Variants in MIPOL1 observed in about 807,000 individuals in gnomAD.
MIPOL1 encodes mirror-image polydactyly 1, also known as mirror-image polydactyly gene 1 protein.
A neutral mutation model predicts 60.9 loss-of-function variants in MIPOL1; 57 were observed. The observed-to-expected ratio is 0.94, with a 90% CI of 0.76 to 1.17. The LOEUF is 1.17. MIPOL1 is among the 50% of genes most tolerant of loss of function. The pLI, the probability that MIPOL1 is intolerant of heterozygous loss-of-function variation, is 0.00. For synonymous variants in MIPOL1, 179 were observed against 168.8 expected (o/e 1.06, Z -0.47); for missense variants, 551 against 511.6 (o/e 1.08, Z -0.74).
chr14:37,523,617 G>C (rs1383703980), intron 12 of MIPOL1: 3 of 382,714 alleles, frequency 7.8e-6, no homozygotes, highest in Non-Finnish European at 9.4e-6. Flanking sequence ...GTTAGATGTT[G>C]ATCAATTGTA....
At chr14:37,296,187 C>A (rs2085656287) in intron 7 of MIPOL1, among the ~76,000 whole-genome samples, 1 of 152,188 alleles carries the variant, frequency 6.6e-6, no homozygotes, top group Non-Finnish European at 1.5e-5. Flanking sequence ...AACTGAACAA[C>A]CTGCTCCTGA....
intron 9 of MIPOL1, among the ~76,000 whole-genome samples, chr14:37,348,196 A>G (rs543381970): frequency 2.0e-5 from 3 of 152,328 alleles, no homozygotes; most frequent in East Asian, 1.9e-4. Context: ...ATTAATTTGC[A>G]TAGGATAATA....
intron 11 of MIPOL1, among the ~76,000 whole-genome samples, chr14:37,430,416 A>G (rs2094040165): frequency 6.6e-6 from 1 of 151,990 alleles, no homozygotes; most frequent in Non-Finnish European, 1.5e-5. Flanking sequence ...AAATTTAAAA[A>G]TTTACAGCTG....
intron 1 of MIPOL1, among the ~76,000 whole-genome samples, chr14:37,225,349 C>T (rs1969524589): frequency 6.6e-6 from 1 of 152,180 alleles, no homozygotes; most frequent in South Asian, 2.1e-4. Context: ...CATGAGGGCC[C>T]CACCCTGCCG....
intron 9 of MIPOL1, among the ~76,000 whole-genome samples, chr14:37,368,240 G>T (rs117955127): frequency 0.02 from 3,075 of 152,072 alleles, 45 homozygotes; most frequent in Non-Finnish European, 0.03. Flanking sequence ...TTTTATAATT[G>T]TATTATATAT....
intron 10 of MIPOL1, among the ~76,000 whole-genome samples, chr14:37,417,310 T>C (rs2093787639): frequency 6.6e-6 from 1 of 152,162 alleles, no homozygotes; most frequent in Non-Finnish European, 1.5e-5. Context: ...TTTTCTTCTC[T>C]CTCTCATCAT....
intron 9 of MIPOL1, among the ~76,000 whole-genome samples, chr14:37,367,016 A>T (rs2092493352): frequency 6.6e-6 from 1 of 151,998 alleles, no homozygotes; most frequent in South Asian, 2.1e-4. Flanking sequence ...AACAATTAAA[A>T]ATATAAACAT....
At position 37,547,790 on chromosome 14, in the gene MIPOL1, A is replaced by G. The variant is rs2095551942; in HGVS notation, c.*819A>G. On this transcript the variant is annotated 3_prime_UTR_variant, in exon 13 of 13. Coordinates refer to ENST00000684589, the MANE Select transcript of MIPOL1 (RefSeq NM_001388067.1). Reference sequence around the variant, plus strand: ...TGTCTTAAAAGAGACCATCAAACCTATTAAGTATTCTTATTGTTTATCTTT... The same window carrying G: ...TGTCTTAAAAGAGACCATCAAACCTGTTAAGTATTCTTATTGTTTATCTTT... 6.6e-6 allele frequency: 1 copy of G among 152,310 alleles called. No individual in the cohort carries two copies. Among genetic ancestry groups the G allele is most frequent in the Middle Eastern group, 3.4e-3 (1 of 294 alleles). The allele number at this position is 152,310 out of a possible 1,614,324, so 9.4% of individuals were successfully genotyped here.
intron 11 of MIPOL1, among the ~76,000 whole-genome samples, chr14:37,455,052 A>G (rs1180574316): frequency 1.3e-5 from 2 of 152,094 alleles, no homozygotes; most frequent in African/African-American, 2.4e-5. Context: ...CAGAAGCCAC[A>G]TCTCTCTCTC....
At chr14:37,201,589 T>C (rs1826002159) in intron 1 of MIPOL1, among the ~76,000 whole-genome samples, 2 of 152,190 alleles carry the variant, frequency 1.3e-5, no homozygotes, top group Admixed American at 1.3e-4. Context: ...TTTTATCTAG[T>C]GATTGAGTAC....
At chr14:37,272,106 T>G (rs1366095933) in intron 6 of MIPOL1, among the ~76,000 whole-genome samples, 1 of 151,522 alleles carries the variant, frequency 6.6e-6, no homozygotes, top group African/African-American at 2.4e-5. Flanking sequence ...AAATATTATA[T>G]TAATAAATGT....
intron 1 of MIPOL1, among the ~76,000 whole-genome samples, chr14:37,221,072 A>C (rs562100856): frequency 6.6e-6 from 1 of 152,090 alleles, no homozygotes; most frequent in African/African-American, 2.4e-5. Context: ...TCATTTGAAA[A>C]TATTTTGTCT....
intron 10 of MIPOL1, among the ~76,000 whole-genome samples, chr14:37,422,358 T>C (rs1383492895): frequency 6.6e-6 from 1 of 152,024 alleles, no homozygotes; most frequent in African/African-American, 2.4e-5. Flanking sequence ...AGAATCAGTC[T>C]GTAGCCTGCT....
In MIPOL1 at chr14:37,246,069, A is replaced by G. The variant is rs987288883; in HGVS notation, c.-198-1034A>G. On this transcript the variant is annotated intron_variant, in intron 1 of 12. Transcript: ENST00000684589. ...GTTTTTGTTTTGGTTATTGAAGTTT[A>G]TTAAAAAATTAATTTTAGATCATTA... Among the ~76,000 whole-genome samples the G allele has an allele frequency of 5.3e-5, 8 of 152,276 alleles. No individual in the cohort carries two copies. The South Asian group carries it at 8.3e-4, about 16-fold the overall frequency.
intron 3 of MIPOL1, among the ~76,000 whole-genome samples, chr14:37,266,519 T>G (rs2082883479): frequency 6.6e-6 from 1 of 152,130 alleles, no homozygotes; most frequent in Non-Finnish European, 1.5e-5. Context: ...GTAACTCAAA[T>G]GAAAAGCAAT....
At chr14:37,440,839 A>G (rs987010591) in intron 11 of MIPOL1, among the ~76,000 whole-genome samples, 20 of 152,114 alleles carry the variant, frequency 1.3e-4, no homozygotes, top group Non-Finnish European at 2.4e-4. Flanking sequence ...AAATCTCCAT[A>G]CTGTTTTCCA....
intron 10 of MIPOL1, among the ~76,000 whole-genome samples, chr14:37,397,866 C>T (rs981420027): frequency 7.9e-5 from 12 of 152,138 alleles, no homozygotes; most frequent in Non-Finnish European, 1.3e-4. Flanking sequence ...AGTGAGCAAG[C>T]CGGGCTTAAG....
At chr14:37,522,757 T>C (rs2095422544) in intron 12 of MIPOL1, among the ~76,000 whole-genome samples, 1 of 152,150 alleles carries the variant, frequency 6.6e-6, no homozygotes. Context: ...GTAGTATAAA[T>C]TGTTTGTACT....
At chr14:37,473,252 T>C (rs2094716018) in intron 11 of MIPOL1, among the ~76,000 whole-genome samples, 1 of 152,144 alleles carries the variant, frequency 6.6e-6, no homozygotes, top group Non-Finnish European at 1.5e-5. Flanking sequence ...TTTCTCACCA[T>C]GTGATCTGTG....
Sources: allele counts gnomAD v4.1 joint callset (sites outside exome capture counted in the v4.1 genomes callset), GRCh38; gene constraint gnomAD v4.1.1; transcripts MANE v1.5; gene names NCBI Gene and HGNC (gene_info 2026-07-23, HGNC 2026-07-21).